Variants in RBMS3 observed in about 807,000 individuals in gnomAD.
RBMS3 encodes RNA binding motif single stranded interacting protein 3, also known as RNA-binding motif, single-stranded-interacting protein 3.
RBMS3 carries 27 observed loss-of-function variants against 66.8 expected under a neutral mutation model. That is an observed-to-expected ratio of 0.40 (90% CI 0.30 to 0.56). The LOEUF is 0.56. RBMS3 is among the 20% of genes least tolerant of loss of function. The pLI is 0.40. For synonymous variants in RBMS3, 188 were observed against 183.0 expected, an observed-to-expected ratio of 1.03 and a Z score of -0.22; for missense variants, 513 against 549.5, an observed-to-expected ratio of 0.93 and a Z score of 0.66.
At chr3:29,297,666 A>G (rs1469689187) in intron 1 of RBMS3, among the ~76,000 whole-genome samples, 2 of 151,904 alleles carry the variant, frequency 1.3e-5, no homozygotes. Flanking sequence ...TGAGATGAAT[A>G]TATTGGAAAG....
intron 10 of RBMS3, 69 bp from the exon 11 acceptor site, chr3:29,936,017 G>GTGTT: frequency 8.1e-7 from 1 of 1,235,376 alleles, no homozygotes; most frequent in East Asian, 2.4e-5. Flanking sequence ...ACAATTTACA[G>GTGTT]TGTTTATTTG....
chr3:29,990,456 GAAACAAAAAA>G (rs1698771822), intron 13 of RBMS3, among the ~76,000 whole-genome samples: 2 of 30,688 alleles, frequency 6.5e-5, no homozygotes, highest in East Asian at 9.8e-4. Context: ...GCATCTGTGA[GAAACAAAAAA>G]AAAAAAAAAA....
In RBMS3 at chr3:29,680,849, T is replaced by A. The variant is rs145150101; in HGVS notation, c.400-58871T>A. Among the ~76,000 whole-genome samples, 295 of 152,338 alleles carry A rather than the reference T, an allele frequency of 1.9e-3. 2 individuals carry two copies. Among genetic ancestry groups the A allele is most frequent in the African/African-American group, 6.9e-3 (285 of 41,582 alleles). ...TTCAATGTTTCTATTTTTCCTCTTT[T>A]AGGATGGAATTTCAATACAATGAAA... On this transcript the variant is annotated intron_variant, in intron 4 of 14. Coordinates refer to ENST00000383767, the MANE Select transcript of RBMS3 (RefSeq NM_001003793.3).
chr3:29,561,081 T>TGCC (rs2046532910), intron 3 of RBMS3, among the ~76,000 whole-genome samples: 1 of 150,878 alleles, frequency 6.6e-6, no homozygotes, highest in Non-Finnish European at 1.5e-5. Context: ...CATTGCTTTT[T>TGCC]ATGGCTACAT....
chr3:29,882,136 C>A (rs554047827), intron 7 of RBMS3, among the ~76,000 whole-genome samples: 3 of 152,054 alleles, frequency 2.0e-5, no homozygotes, highest in Non-Finnish European at 4.4e-5. Context: ...ACAGCTTTTA[C>A]GACTGCCCTT....
chr3:29,512,687 G>T (rs1351668422), intron 3 of RBMS3, among the ~76,000 whole-genome samples: 1 of 152,108 alleles, frequency 6.6e-6, no homozygotes, highest in Admixed American at 6.6e-5. Flanking sequence ...ACAAAAAGCG[G>T]CGGTGGTACA....
intron 3 of RBMS3, among the ~76,000 whole-genome samples, chr3:29,557,165 T>C (rs2046394679): frequency 6.6e-6 from 1 of 152,340 alleles, no homozygotes; most frequent in African/African-American, 2.4e-5. Context: ...TTAAAACATC[T>C]TTTTCCTGTA....
At chr3:29,702,256 G>A (rs2052638711) in intron 4 of RBMS3, among the ~76,000 whole-genome samples, 3 of 152,002 alleles carry the variant, frequency 2.0e-5, no homozygotes, top group Admixed American at 2.0e-4. Context: ...GTTTGTAAAT[G>A]CACCAATCAG....
chr3:29,350,589 G>A (rs1218602069), intron 1 of RBMS3, among the ~76,000 whole-genome samples: 1 of 152,172 alleles, frequency 6.6e-6, no homozygotes, highest in African/African-American at 2.4e-5. Flanking sequence ...GAGATGGAGA[G>A]AACTAAGCTC....
Position 29,988,235 on chromosome 3 carries a change from C to A in RBMS3, c.1179+12C>A. On this transcript the variant is annotated intron_variant, in intron 13 of 14. Transcript: ENST00000383767. ...CTGTTTCTATTGAAGTAAGTCTACC[C>A]CTGTCTAATAAAGAGGTTAGAAGAA... 1 of 1,583,262 alleles carries A rather than the reference C, an allele frequency of 6.3e-7. No individual in the cohort carries two copies. The highest frequency in any genetic ancestry group is 8.7e-7 in the Non-Finnish European group (1 of 1,153,148).
At chr3:29,696,862 C>T (rs754129375) in intron 4 of RBMS3, 100 of 756,736 alleles carry the variant, frequency 1.3e-4, no homozygotes, top group Non-Finnish European at 1.5e-4. Context: ...AGTCATCATA[C>T]ACAAGGGGTG....
chr3:29,880,947 G>A, intron 7 of RBMS3: 1 of 1,006,004 alleles, frequency 9.9e-7, no homozygotes, highest in Non-Finnish European at 1.5e-6. Context: ...TGTTTTCCAG[G>A]GAGCTCATGC....
intron 3 of RBMS3, 29 bp downstream of exon 3, chr3:29,488,528 A>G: frequency 6.3e-7 from 1 of 1,581,856 alleles, no homozygotes; most frequent in Non-Finnish European, 8.7e-7. Flanking sequence ...GTACCCTGAA[A>G]TCTTGCCTAT....
At position 30,005,433 on chromosome 3, in the gene RBMS3, A is replaced by T. The variant is rs1449746329; in HGVS notation, c.*1571A>T. ...TAGTAAACCAAGATGCTTATTTAAC[A>T]GGTGGAATATTCTTTATATGAAATT... On this transcript the variant is annotated 3_prime_UTR_variant, in exon 15 of 15. Transcript: ENST00000383767. 1 of 151,880 alleles carries T rather than the reference A, an allele frequency of 6.6e-6. No individual in the cohort carries two copies. The highest frequency in any genetic ancestry group is 1.5e-5 in the Non-Finnish European group (1 of 67,832). The allele number at this position is 151,880 out of a possible 1,614,324, so 9.4% of individuals were successfully genotyped here.
intron 1 of RBMS3, among the ~76,000 whole-genome samples, chr3:29,317,204 G>T (rs1398938450): frequency 6.6e-6 from 1 of 151,768 alleles, no homozygotes; most frequent in Non-Finnish European, 1.5e-5. Context: ...CTTTATGTGG[G>T]TTGTTAATTT....
At chr3:29,535,615 A>G (rs2045522794) in intron 3 of RBMS3, among the ~76,000 whole-genome samples, 1 of 151,214 alleles carries the variant, frequency 6.6e-6, no homozygotes, top group Admixed American at 6.6e-5. Context: ...AACATTCTCT[A>G]GAAGCACTAG....
At chr3:29,875,571 C>G (rs781331595) in intron 7 of RBMS3, among the ~76,000 whole-genome samples, 1 of 151,670 alleles carries the variant, frequency 6.6e-6, no homozygotes, top group East Asian at 1.9e-4. Context: ...AAAAAAAAAC[C>G]TGCATCTTGG....
At chr3:29,384,432 T>TAAGAAGAAGAAGAAGAAGAAGAAGAAG (rs561847341) in intron 1 of RBMS3, among the ~76,000 whole-genome samples, 152 of 99,386 alleles carry the variant, frequency 1.5e-3, no homozygotes, top group African/African-American at 4.7e-3. Flanking sequence ...ATAATAATAA[T>TAAGAAGAAGAAGAAGAAGAAGAAGAAG]AATAAGAAGA....
At chr3:29,716,239 T>G (rs1227205790) in intron 4 of RBMS3, among the ~76,000 whole-genome samples, 1 of 152,186 alleles carries the variant, frequency 6.6e-6, no homozygotes, top group Non-Finnish European at 1.5e-5. Context: ...CCTTTAGATA[T>G]ACTTGCACAG....
Sources: allele counts gnomAD v4.1 joint callset (sites outside exome capture counted in the v4.1 genomes callset), GRCh38; gene constraint gnomAD v4.1.1; transcripts MANE v1.5; gene names NCBI Gene and HGNC (gene_info 2026-07-23, HGNC 2026-07-21).